SSH2: variants seen among roughly 807,000 people sequenced by gnomAD.
SSH2 encodes the protein protein phosphatase Slingshot homolog 2.
Under a neutral mutation model 135.2 loss-of-function variants are expected in SSH2, and 37 were observed. The observed-to-expected ratio is 0.27, with a 90% CI of 0.21 to 0.36. The LOEUF is 0.36. Ranked by LOEUF, SSH2 falls within the 10% of genes least tolerant of loss-of-function variation. SSH2 has a pLI of 1.00. For synonymous variants in SSH2, 628 were observed against 646.2 expected, an observed-to-expected ratio of 0.97 and a Z score of 0.43; for missense variants, 1,408 against 1,765.3, an observed-to-expected ratio of 0.80 and a Z score of 3.63.
intron 3 of SSH2, among the ~76,000 whole-genome samples, chr17:29,709,389 T>G (rs1451921595): frequency 2.0e-5 from 3 of 152,084 alleles, no homozygotes; most frequent in African/African-American, 4.8e-5. Context: ...AAAAGTAGAG[T>G]ACAGGGGCTG....
At position 29,813,519 on chromosome 17, in the gene SSH2, A is replaced by G. The variant is rs192989226; in HGVS notation, c.145-19582T>C. On this transcript the variant is annotated intron_variant, in intron 2 of 15. Coordinates refer to ENST00000540801, the MANE Select transcript of SSH2 (RefSeq NM_001282129.2). ...AAGGATGCTGTACTATATTTTCCCTAAAAAAATCATTTAAGCAGCCGGGCA... is the reference window on the plus strand; with the variant it reads ...AAGGATGCTGTACTATATTTTCCCTGAAAAAATCATTTAAGCAGCCGGGCA... Among the ~76,000 whole-genome samples, 11 of 152,092 alleles carry G rather than the reference A, an allele frequency of 7.2e-5. 1 individual carries two copies. The East Asian group carries it at 2.1e-3, about 30-fold the overall frequency.
Position 29,631,453 on chromosome 17 carries a change from G to C in SSH2, c.3741C>G (p.Asn1247Lys), listed in dbSNP as rs780628300. The C allele has an allele frequency of 6.2e-7, 1 of 1,614,178 alleles. No homozygotes were observed. The highest frequency in any genetic ancestry group is 1.7e-5 in the Admixed American group (1 of 60,028). Reference sequence around the variant, plus strand: ...CGGGGCTGTGGCTGAGACTCTTTATGTTTTCACTACTAGAGCTATGTGGGA... The same window carrying C: ...CGGGGCTGTGGCTGAGACTCTTTATCTTTTCACTACTAGAGCTATGTGGGA... ...CRLPHSSSSE[N>K]IKSLSHSPGV... Residue 1247 changes from asparagine to lysine, a missense_variant, in exon 16 of 16, where the codon AAC becomes AAG. Physicochemically the swap from Asn to Lys is moderately conservative, Grantham distance 94. This residue lies in a region of SSH2 where 1,080 missense variants were observed against 1,144.5 expected (regional missense o/e 0.94). Transcript: ENST00000540801.
chr17:29,804,389 G>C (rs1345897299), intron 2 of SSH2, among the ~76,000 whole-genome samples: 1 of 152,114 alleles, frequency 6.6e-6, no homozygotes, highest in Non-Finnish European at 1.5e-5. Flanking sequence ...AGCTTGATTA[G>C]AATTTTGCTG....
chr17:29,805,494 G>A (rs2042328507), intron 2 of SSH2, among the ~76,000 whole-genome samples: 1 of 152,060 alleles, frequency 6.6e-6, no homozygotes, highest in South Asian at 2.1e-4. Context: ...TCTGACGTTG[G>A]TCCGCTGGTG....
intron 2 of SSH2, among the ~76,000 whole-genome samples, chr17:29,803,738 T>G (rs2042292284): frequency 6.6e-6 from 1 of 152,140 alleles, no homozygotes; most frequent in Non-Finnish European, 1.5e-5. Flanking sequence ...TGACAGTGAA[T>G]GAAGTAGAGC....
chr17:29,865,127 T>C (rs1448632699), intron 1 of SSH2, among the ~76,000 whole-genome samples: 2 of 152,154 alleles, frequency 1.3e-5, no homozygotes, highest in African/African-American at 4.8e-5. Context: ...ACAACCAAAT[T>C]GAAATAAGAG....
chr17:29,889,486 A>G (rs554435970), intron 1 of SSH2, among the ~76,000 whole-genome samples: 3 of 152,118 alleles, frequency 2.0e-5, no homozygotes, highest in Middle Eastern at 3.4e-3. Context: ...AGAAGAAAAC[A>G]TAGGGGTAAA....
chr17:29,881,475 C>T (rs1373163432), intron 1 of SSH2, among the ~76,000 whole-genome samples: 4 of 151,698 alleles, frequency 2.6e-5, no homozygotes, highest in Non-Finnish European at 5.9e-5. Flanking sequence ...TCTTCCTTTT[C>T]TTCCTTTCTT....
In SSH2 at chr17:29,698,414, G is replaced by A. The variant is rs1420563580; in HGVS notation, c.293-2891C>T. Among the ~76,000 whole-genome samples, 4 of 152,288 alleles carry A rather than the reference G, an allele frequency of 2.6e-5. No homozygotes were observed. The South Asian group carries it at 6.2e-4, about 24-fold the overall frequency. On this transcript the variant is annotated intron_variant, in intron 4 of 15. Transcript: ENST00000540801. ...AAAAGAACAAGTATGAGGAGACAAA[G>A]TGTTAGGTATAAACAGTGAAAAGCT...
At chr17:29,908,426 T>C (rs1427650652) in intron 1 of SSH2, among the ~76,000 whole-genome samples, 2 of 152,038 alleles carry the variant, frequency 1.3e-5, no homozygotes, top group East Asian at 3.9e-4. Flanking sequence ...GATTGTGCCA[T>C]TGCACTCTAG....
intron 11 of SSH2, among the ~76,000 whole-genome samples, chr17:29,664,716 T>C (rs186789290): frequency 1.3e-5 from 2 of 152,284 alleles, no homozygotes; most frequent in African/African-American, 4.8e-5. Flanking sequence ...CTGACAATAA[T>C]GAAATCATGG....
chr17:29,706,001 T>C (rs2039185458), intron 3 of SSH2, among the ~76,000 whole-genome samples: 1 of 152,248 alleles, frequency 6.6e-6, no homozygotes, highest in Non-Finnish European at 1.5e-5. Flanking sequence ...TGTGCATCAC[T>C]GTAGCTGCAG....
chr17:29,648,383 C>T, intron 13 of SSH2, 39 bp from the exon 14 acceptor site: 3 of 1,501,598 alleles, frequency 2.0e-6, no homozygotes, highest in Non-Finnish European at 2.7e-6. Context: ...GAGGAAAATA[C>T]AATAGTGGGG....
chr17:29,782,832 C>T (rs911814945), intron 3 of SSH2, among the ~76,000 whole-genome samples: 16 of 151,842 alleles, frequency 1.1e-4, no homozygotes, highest in South Asian at 6.3e-4. Context: ...GTGATCTGCC[C>T]GCCTTGGCCT....
chr17:29,684,236 C>T (rs1189543426), intron 6 of SSH2, among the ~76,000 whole-genome samples: 3 of 151,830 alleles, frequency 2.0e-5, no homozygotes, highest in African/African-American at 7.3e-5. Flanking sequence ...AATCTCAGTA[C>T]TTTGGGAGGC....
chr17:29,634,538 C>T (rs1379222350), intron 15 of SSH2, among the ~76,000 whole-genome samples: 1 of 133,150 alleles, frequency 7.5e-6, no homozygotes, highest in Admixed American at 7.5e-5. Context: ...AATTCATTTC[C>T]TTTTGATTAT....
chr17:29,796,805 TTTC>T (rs1237075832), intron 2 of SSH2, among the ~76,000 whole-genome samples: 1 of 151,444 alleles, frequency 6.6e-6, no homozygotes, highest in Non-Finnish European at 1.5e-5. Flanking sequence ...AGTTTTTTCC[TTTC>T]TTTTTTTTTT....
At chr17:29,725,706 C>T (rs1349098967) in intron 3 of SSH2, among the ~76,000 whole-genome samples, 1 of 152,132 alleles carries the variant, frequency 6.6e-6, no homozygotes, top group Non-Finnish European at 1.5e-5. Flanking sequence ...AATGAGAACA[C>T]ATGGACACAG....
intron 3 of SSH2, among the ~76,000 whole-genome samples, chr17:29,770,835 A>C (rs1426657601): frequency 6.6e-6 from 1 of 152,150 alleles, no homozygotes; most frequent in African/African-American, 2.4e-5. Flanking sequence ...TCAGCCTTTC[A>C]GGTTTTTCAT....
Sources: gnomAD v4.1 joint callset for allele counts (sites outside exome capture counted in the v4.1 genomes callset) on GRCh38, gnomAD v4.1.1 for gene constraint, gnomAD v4.1.1 regional missense constraint, MANE v1.5 for transcripts, NCBI Gene and HGNC (gene_info 2026-07-23, HGNC 2026-07-21) for gene names.